The following MYCBP2 variants were observed in gnomAD, a reference collection of about 807,000 sequenced individuals.
MYCBP2 encodes the protein E3 ubiquitin-protein ligase MYCBP2.
In MYCBP2, 120 loss-of-function variants were observed where a neutral mutation model predicts 525.3. That is an observed-to-expected ratio of 0.23 (90% CI 0.20 to 0.27). The LOEUF is 0.27. Among genes scored for constraint, MYCBP2 ranks in the 10% least tolerant of loss-of-function variants. MYCBP2 has a pLI of 1.00. For synonymous variants in MYCBP2, 1,894 were observed against 1,955.8 expected, an observed-to-expected ratio of 0.97 and a Z score of 0.83; for missense variants, 4,149 against 5,657.1, an observed-to-expected ratio of 0.73 and a Z score of 8.55.
chr13:77,088,293 G>C (rs2044724037), intron 61 of MYCBP2, among the ~76,000 whole-genome samples: 1 of 152,034 alleles, frequency 6.6e-6, no homozygotes, highest in Non-Finnish European at 1.5e-5. Flanking sequence ...TGAACACAAA[G>C]TGTATCTCAA....
intron 33 of MYCBP2, 145 bp from the exon 34 acceptor site, chr13:77,180,463 G>T: frequency 1.5e-6 from 1 of 662,608 alleles, no homozygotes; most frequent in Non-Finnish European, 2.5e-6. Flanking sequence ...GTTATATGTG[G>T]AGCCACTTTT....
At chr13:77,242,501 C>A (rs2154315874) in intron 17 of MYCBP2, among the ~76,000 whole-genome samples, 1 of 152,248 alleles carries the variant, frequency 6.6e-6, no homozygotes, top group South Asian at 2.1e-4. Context: ...GCAAATGAAA[C>A]CTGCAGACCT....
rs187556810 is a variant in MYCBP2, at chr13:77,061,555, T to C, written c.12903+107A>G. 1.3e-4 allele frequency: 179 copies of C among 1,341,728 alleles called. No individual in the cohort carries two copies. In the Admixed American group the frequency reaches 4.4e-3, roughly 33 times the overall value. 83.1% of individuals were successfully genotyped at this position (1,341,728 alleles called of 1,614,324 possible). A position where few individuals can be genotyped will look rare whatever the true frequency, so the allele number is the denominator to read the frequency against. On this transcript the variant is annotated intron_variant, in intron 75 of 82. Transcript: ENST00000544440. The stretch of plus-strand genomic sequence containing the variant: ...GACAGCTGTGAACTCAACCAAGGTC[T>C]TTGATTCCAAAGTCCACTTTTTCCC...
At chr13:77,220,798 C>T (rs991243759) in intron 20 of MYCBP2, among the ~76,000 whole-genome samples, 7 of 152,180 alleles carry the variant, frequency 4.6e-5, no homozygotes, top group Middle Eastern at 3.4e-3. Context: ...CCACAAAAGT[C>T]CAGACAGACA....
intron 82 of MYCBP2, among the ~76,000 whole-genome samples, chr13:77,045,751 G>A (rs966508707): frequency 3.3e-5 from 5 of 152,076 alleles, no homozygotes; most frequent in East Asian, 1.9e-4. Flanking sequence ...GGATCACTTC[G>A]AGCTACAGAT....
intron 44 of MYCBP2, 85 bp downstream of exon 44, chr13:77,161,821 T>G (rs1327593453): frequency 1.0e-6 from 1 of 998,864 alleles, no homozygotes; most frequent in East Asian, 2.5e-5. Context: ...ATGAACCCAA[T>G]GGTCAAGACA....
intron 52 of MYCBP2, among the ~76,000 whole-genome samples, chr13:77,128,590 A>T (rs1308152401): frequency 6.6e-6 from 1 of 151,954 alleles, no homozygotes; most frequent in East Asian, 1.9e-4. Context: ...TATATTAATA[A>T]GTATAAAACA....
At position 77,211,998 on chromosome 13, in the gene MYCBP2, C is replaced by G. The variant is rs774784581; in HGVS notation, c.3220G>C (p.Val1074Leu). ...RIDEALINSH[V>L]LATSEIFASK... ...GCAAAAATTTCTGATGTAGCAAGTA[C>G]ATGAGAATTAATAAGTGCTTCATCA... Residue 1074 changes from valine (V) to leucine (L), a missense_variant, in exon 22 of 83, where the codon GTA becomes CTA. Around this residue, in one of 21 missense-constraint regions of MYCBP2, gnomAD observed 620 missense variants for 795.5 expected, o/e 0.78. Transcript: ENST00000544440. The G allele has an allele frequency of 1.9e-5, 31 of 1,613,922 alleles. No homozygotes were observed. Among genetic ancestry groups the G allele is most frequent in the Non-Finnish European group, 9.3e-6 (11 of 1,179,958 alleles).
rs749147950 is a variant in MYCBP2 at position 77,273,500 on chromosome 13, T to C, written c.917A>G (p.Asn306Ser). 1.4e-5 allele frequency: 23 copies of C among 1,594,742 alleles called. No individual in the cohort carries two copies. The highest frequency in any genetic ancestry group is 1.9e-5 in the Non-Finnish European group (22 of 1,174,850). The change falls in exon 5 of 83, where the codon AAT (asparagine) becomes AGT (serine). Residue 306 changes from asparagine to serine, a missense_variant. By Grantham distance (46) the Asn-to-Ser change is conservative. Coordinates refer to ENST00000544440, the MANE Select transcript of MYCBP2 (RefSeq NM_015057.5). ...LQAISAILTN[N>S]GSHACQTIQV... ...AATAGTTTGGCAAGCATGGCTTCCA[T>C]TGTTGGTGAGGATAGCAGAGATGGC...
chr13:77,161,758 T>C, intron 44 of MYCBP2, 148 bp downstream of exon 44: 1 of 572,196 alleles, frequency 1.7e-6, no homozygotes. Flanking sequence ...AAGGGAGCAA[T>C]GATAAGTTAT....
At chr13:77,230,885 G>C (rs975880962) in intron 18 of MYCBP2, among the ~76,000 whole-genome samples, 3 of 152,212 alleles carry the variant, frequency 2.0e-5, no homozygotes, top group Admixed American at 2.0e-4. Context: ...GGGGCTTCAT[G>C]TTGGTGCTCA....
At chr13:77,254,268 T>C (rs928480825) in intron 14 of MYCBP2, among the ~76,000 whole-genome samples, 2 of 151,870 alleles carry the variant, frequency 1.3e-5, no homozygotes, top group Admixed American at 6.6e-5. Context: ...AAGAACATGA[T>C]TGAACGTATG....
At position 77,273,584 on chromosome 13, in the gene MYCBP2, G is replaced by A; in HGVS notation, c.833C>T (p.Ser278Phe). 1 of 1,613,772 alleles carries A rather than the reference G, an allele frequency of 6.2e-7. No homozygotes were observed. The highest frequency in any genetic ancestry group is 8.5e-7 in the Non-Finnish European group (1 of 1,179,838). ...CACCAGACTAAAGAGGCAAGCACAGGAAAGTGCTGTTAAGGACTGTCCTGT... is the reference window on the plus strand; with the variant it reads ...CACCAGACTAAAGAGGCAAGCACAGAAAAGTGCTGTTAAGGACTGTCCTGT... ...DSTGQSLTAL[S>F]CACLFSLVAS... is the part of the protein sequence containing the mutation. The change falls in exon 5 of 83, where the codon TCC becomes TTC. Residue 278 changes from serine to phenylalanine, a missense_variant. By Grantham distance (155) the Ser-to-Phe change is radical. Around this residue, in one of 21 missense-constraint regions of MYCBP2, gnomAD observed 413 missense variants for 451.2 expected, o/e 0.92. Coordinates refer to ENST00000544440, the MANE Select transcript of MYCBP2 (RefSeq NM_015057.5).
chr13:77,307,607 CA>C, intron 1 of MYCBP2, among the ~76,000 whole-genome samples: 1 of 85,940 alleles, frequency 1.2e-5, no homozygotes, highest in South Asian at 4.5e-4. Flanking sequence ...GCCTGGATGA[CA>C]AAGTGAGACC....
rs1469190096 is a variant in MYCBP2, at chr13:77,078,804, A to C, written c.11484+20T>G. ...TTTCTCTCTAGGTAGCGAAACATTTAATGACAAAATTTCAATTACCTGCTT... is the reference window on the plus strand; with the variant it reads ...TTTCTCTCTAGGTAGCGAAACATTTCATGACAAAATTTCAATTACCTGCTT... On this transcript the variant is annotated intron_variant, in intron 66 of 82. Transcript: ENST00000544440. 9 of 1,608,894 alleles carry C rather than the reference A, an allele frequency of 5.6e-6. No homozygotes were observed. Among genetic ancestry groups the C allele is most frequent in the Non-Finnish European group, 7.7e-6 (9 of 1,175,720 alleles).
In MYCBP2 at chr13:77,199,845, G is replaced by T. The variant is rs1005859703; in HGVS notation, c.3843+5411C>A. ...CAGCTGAGGGTCCTGTCTGTTAAAAGGAAAACTAACAAACAGAAAGGACAT... is the reference window on the plus strand; with the variant it reads ...CAGCTGAGGGTCCTGTCTGTTAAAATGAAAACTAACAAACAGAAAGGACAT... On this transcript the variant is annotated intron_variant, in intron 26 of 82. Coordinates refer to ENST00000544440, the MANE Select transcript of MYCBP2 (RefSeq NM_015057.5). 4.8e-4 allele frequency among the ~76,000 whole-genome samples: 73 copies of T among 152,244 alleles called. 1 individual carries two copies. Among genetic ancestry groups the T allele is most frequent in the Middle Eastern group, 6.8e-3 (2 of 294 alleles).
In MYCBP2 at chr13:77,140,131, C is replaced by T. The variant is rs776899160; in HGVS notation, c.7434G>A (p.Gly2478=). ...VRKFVAKDSA[G]LRIRSHPSLQ... ...GGGAAGGGTGGCTACGGATGCGAAG[C>T]CCCGCACTGTCCTTGGCCACAAATT... is the stretch of plus-strand genomic sequence containing the variant. The change falls in exon 51 of 83, where the codon GGG becomes GGA. Residue 2478 remains glycine, a synonymous_variant. Coordinates refer to ENST00000544440, the MANE Select transcript of MYCBP2 (RefSeq NM_015057.5). The T allele has an allele frequency of 6.2e-7, 1 of 1,611,754 alleles. No individual in the cohort carries two copies. The highest frequency in any genetic ancestry group is 8.5e-7 in the Non-Finnish European group (1 of 1,179,476).
intron 55 of MYCBP2, among the ~76,000 whole-genome samples, chr13:77,119,892 G>A (rs2050393962): frequency 6.6e-6 from 1 of 152,074 alleles, no homozygotes; most frequent in South Asian, 2.1e-4. Context: ...GCCTGGCATG[G>A]TGCATGCTAT....
intron 82 of MYCBP2, among the ~76,000 whole-genome samples, chr13:77,048,347 G>C (rs1376557660): frequency 6.6e-6 from 1 of 152,154 alleles, no homozygotes; most frequent in East Asian, 1.9e-4. Flanking sequence ...AATTTCCACT[G>C]TTTATAAGCT....
Sources: allele counts gnomAD v4.1 joint callset (sites outside exome capture counted in the v4.1 genomes callset), GRCh38; gene constraint gnomAD v4.1.1; regional missense constraint gnomAD v4.1.1; transcripts MANE v1.5; gene names NCBI Gene and HGNC (gene_info 2026-07-23, HGNC 2026-07-21).